The following ARHGEF16 variants were observed in gnomAD, a reference collection of about 807,000 sequenced individuals.
ARHGEF16 encodes Rho guanine nucleotide exchange factor 16.
ARHGEF16 carries 59 observed loss-of-function variants against 74.1 expected under a neutral mutation model. The observed-to-expected ratio is 0.80, with a 90% CI of 0.65 to 0.99. ARHGEF16 has a LOEUF of 0.99. Ranked by LOEUF, ARHGEF16 falls within the 50% of genes least tolerant of loss-of-function variation. The probability of loss-of-function intolerance (pLI) is 0.00; values close to 1 mark genes in which losing one functional copy is unlikely to be tolerated. For synonymous variants in ARHGEF16, 415 were observed against 412.6 expected (o/e 1.01, Z -0.07); for missense variants, 948 against 986.6 (o/e 0.96, Z 0.52).
At chr1:3,478,673 G>C in intron 12 of ARHGEF16, 61 bp downstream of exon 12, 2 of 1,512,934 alleles carry the variant, frequency 1.3e-6, no homozygotes, top group South Asian at 1.3e-5. Context: ...CATGGGGACC[G>C]GGTTGTCCCC....
chr1:3,479,458 G>A, intron 12 of ARHGEF16, 59 bp from the exon 13 acceptor site: 1 of 1,586,888 alleles, frequency 6.3e-7, no homozygotes, highest in Non-Finnish European at 8.6e-7. Flanking sequence ...AGAAGTCAAG[G>A]AACATCAGAC....
chr1:3,468,839 A>G (rs1639622242), intron 4 of ARHGEF16, 41 bp from the exon 5 acceptor site: 1 of 1,548,438 alleles, frequency 6.5e-7, no homozygotes. Context: ...CCAGGCTTCT[A>G]GGACGTGTGA....
At position 3,463,393 on chromosome 1, in the gene ARHGEF16, C is replaced by T. The variant is rs1639453430; in HGVS notation, c.309C>T (p.Ala103=). The change falls in exon 2 of 15, where the codon GCC becomes GCT. Residue 103 remains alanine (A), a synonymous_variant. Transcript: ENST00000378378. ...LAVASKAKTP[A]RHQSFGAAVL... ...TGGCCAGCAAGGCAAAGACCCCAGC[C>T]CGCCACCAGAGCTTCGGGGCGGCTG... 2.6e-6 allele frequency: 4 copies of T among 1,550,226 alleles called. No individual in the cohort carries two copies. Among genetic ancestry groups the T allele is most frequent in the Non-Finnish European group, 3.5e-6 (4 of 1,146,894 alleles).
intron 1 of ARHGEF16, among the ~76,000 whole-genome samples, chr1:3,461,688 G>A (rs1391890621): frequency 6.6e-6 from 1 of 152,220 alleles, no homozygotes; most frequent in Non-Finnish European, 1.5e-5. Context: ...GTGATGTGTA[G>A]CCACAACAGC....
At chr1:3,455,082 C>CCGCT (rs957562090) in intron 1 of ARHGEF16, among the ~76,000 whole-genome samples, 6 of 152,030 alleles carry the variant, frequency 3.9e-5, no homozygotes, top group African/African-American at 7.2e-5. Context: ...TTGCCCCCGC[C>CCGCT]CGCTCGCTCG....
chr1:3,469,652 G>C, intron 6 of ARHGEF16, 59 bp downstream of exon 6: 2 of 1,598,222 alleles, frequency 1.3e-6, no homozygotes, highest in South Asian at 1.1e-5. Context: ...GCCTCCCCCC[G>C]TGGGCACCGC....
intron 1 of ARHGEF16, among the ~76,000 whole-genome samples, chr1:3,455,682 G>T (rs1639251448): frequency 6.6e-6 from 1 of 152,168 alleles, no homozygotes; most frequent in South Asian, 2.1e-4. Flanking sequence ...GGGGGTGCGT[G>T]TGGGCCTGGC....
chr1:3,477,441 G>T (rs905414042), intron 10 of ARHGEF16, among the ~76,000 whole-genome samples: 6 of 135,562 alleles, frequency 4.4e-5, no homozygotes, highest in African/African-American at 1.6e-4. Flanking sequence ...GCCAGGAAAG[G>T]CCCCAGACGT....
chr1:3,477,739 T>C, intron 10 of ARHGEF16, 136 bp from the exon 11 acceptor site: 1 of 779,734 alleles, frequency 1.3e-6, no homozygotes, highest in South Asian at 1.7e-5. Context: ...GGCAGCCAGC[T>C]GGTCACCCAG....
rs768434523 is a variant in ARHGEF16 at position 3,463,521 on chromosome 1, GGCGGAACCT to G, written c.446_454del (p.Leu149_Asn151del). Reference sequence around the variant, plus strand: ...GACAAGGACCCCGGGGGCATGCTGAGGCGGAACCTGCGGAACCAATCCTACCGGGCGGCC... The same window carrying G: ...GACAAGGACCCCGGGGGCATGCTGAGGCGGAACCAATCCTACCGGGCGGCC... On this transcript the variant is annotated inframe_deletion, in exon 2 of 15. Transcript: ENST00000378378. 2.0e-6 allele frequency: 3 copies of G among 1,481,330 alleles called. No homozygotes were observed. The highest frequency in any genetic ancestry group is 2.7e-6 in the Non-Finnish European group (3 of 1,113,168). The allele number at this position is 1,481,330 out of a possible 1,614,324, so 91.8% of individuals were successfully genotyped here. A position where few individuals can be genotyped will look rare whatever the true frequency, so the allele number is the denominator to read the frequency against.
rs1440611788 is a variant in ARHGEF16, at chr1:3,463,209, C to G, written c.125C>G (p.Pro42Arg). 1.9e-6 allele frequency: 3 copies of G among 1,546,076 alleles called. No homozygotes were observed. The highest frequency in any genetic ancestry group is 1.7e-6 in the Non-Finnish European group (2 of 1,143,856). The change falls in exon 2 of 15, where the codon CCG becomes CGG. Residue 42 changes from proline (P) to arginine (R), a missense_variant. Pro to Arg is a moderately radical substitution (Grantham distance 103). Coordinates refer to ENST00000378378, the MANE Select transcript of ARHGEF16 (RefSeq NM_014448.4). ...ASGLPMVRGS[P>R]RVRDDAAFQP... Reference sequence around the variant, plus strand: ...GGGCTCCCAATGGTCCGTGGCTCCCCGCGTGTTAGAGACGATGCCGCCTTC... The same window carrying G: ...GGGCTCCCAATGGTCCGTGGCTCCCGGCGTGTTAGAGACGATGCCGCCTTC...
rs375250490 is a variant in ARHGEF16 at position 3,478,492 on chromosome 1, C to T, written c.1694C>T (p.Ser565Phe). 6.2e-7 allele frequency: 1 copy of T among 1,612,536 alleles called. No homozygotes were observed. Among genetic ancestry groups the T allele is most frequent in the Non-Finnish European group, 8.5e-7 (1 of 1,179,858 alleles). ...ATCCAGGTGGAGAAGATAGAGCCGT[C>T]TGAGCTCCCTCTGCCCGGGGGCGGC... ...NHIQVEKIEPSELPLPGGGNR... is the reference protein window; with the variant it reads ...NHIQVEKIEPFELPLPGGGNR... The change falls in exon 12 of 15, where the codon TCT becomes TTT. Residue 565 changes from serine to phenylalanine, a missense_variant. Physicochemically the swap from Ser to Phe is radical, Grantham distance 155. Coordinates refer to ENST00000378378, the MANE Select transcript of ARHGEF16 (RefSeq NM_014448.4).
At chr1:3,471,679 A>C in intron 6 of ARHGEF16, 1 of 1,243,388 alleles carries the variant, frequency 8.0e-7, no homozygotes, top group Non-Finnish European at 1.0e-6. Context: ...TGACCTCCTC[A>C]GGGCTTTAGA....
At position 3,467,326 on chromosome 1, in the gene ARHGEF16, C is replaced by T; in HGVS notation, c.793C>T (p.Gln265Ter). ...SYRPAQVTWS[Q>*]LPEVVELGIL... The stretch of plus-strand genomic sequence containing the variant: ...CCGGCCCGCCCAGGTCACCTGGAGC[C>T]AGCTCCCAGAGGTAGCGCCGGAGGG... Residue 265 changes from glutamine to a stop codon, truncating the protein, a stop_gained, in exon 4 of 15, where the codon CAG becomes TAG. Coordinates refer to ENST00000378378, the MANE Select transcript of ARHGEF16 (RefSeq NM_014448.4). LOFTEE classifies it high-confidence loss of function. The T allele has an allele frequency of 6.5e-7, 1 of 1,549,346 alleles. No homozygotes were observed. Among genetic ancestry groups the T allele is most frequent in the Middle Eastern group, 1.7e-4 (1 of 5,980 alleles).
Position 3,467,288 on chromosome 1 carries a change from TG to T in ARHGEF16, c.757del (p.Val253SerfsTer51). ...ACCCAGAAGGTGGACGCCACCATTG[TG>T]GTCAAGAGCTACCGGCCCGCCCAGG... Reference protein sequence around the residue: ...EGTQKVDATIVVKSYRPAQVT... With the variant: ...EGTQKVDATIXVKSYRPAQVT... On this transcript the variant is annotated frameshift_variant, in exon 4 of 15. Transcript: ENST00000378378. LOFTEE classifies it high-confidence loss of function. 6.5e-7 allele frequency: 1 copy of T among 1,550,286 alleles called. No homozygotes were observed. The highest frequency in any genetic ancestry group is 8.7e-7 in the Non-Finnish European group (1 of 1,146,846).
At chr1:3,466,336 TC>T in intron 3 of ARHGEF16, 143 bp downstream of exon 3, 2 of 864,624 alleles carry the variant, frequency 2.3e-6, no homozygotes, top group Non-Finnish European at 3.5e-6. Context: ...GAGGCTGAGG[TC>T]CCAGTGGCTG....
At chr1:3,470,990 G>C (rs370305567) in intron 6 of ARHGEF16, among the ~76,000 whole-genome samples, 7 of 145,612 alleles carry the variant, frequency 4.8e-5, no homozygotes, top group African/African-American at 1.8e-4. Context: ...GTGTGCGTGG[G>C]CAGGGGTGTG....
intron 8 of ARHGEF16, 189 bp downstream of exon 8, chr1:3,473,711 A>C (rs923867039): frequency 6.3e-6 from 6 of 949,634 alleles, no homozygotes; most frequent in Non-Finnish European, 7.7e-6. Context: ...CCACCCACAG[A>C]GCTCACTGTG....
intron 3 of ARHGEF16, 100 bp downstream of exon 3, chr1:3,466,293 G>A: frequency 1.5e-6 from 2 of 1,323,168 alleles, no homozygotes; most frequent in Admixed American, 5.5e-5. Flanking sequence ...TGGTGTCTCG[G>A]GGTCACCAAA....
Sources: gnomAD v4.1 joint callset for allele counts (sites outside exome capture counted in the v4.1 genomes callset) on GRCh38, gnomAD v4.1.1 for gene constraint, MANE v1.5 for transcripts, NCBI Gene and HGNC (gene_info 2026-07-23, HGNC 2026-07-21) for gene names.